Variants in RIMS1 observed in about 807,000 individuals in gnomAD.
The protein encoded by RIMS1 is regulating synaptic membrane exocytosis protein 1.
RIMS1 carries 83 observed loss-of-function variants against 214.1 expected under a neutral mutation model. That is an observed-to-expected ratio of 0.39 (90% CI 0.32 to 0.47). The LOEUF (loss-of-function observed/expected upper bound fraction) is 0.47, where lower values mean the gene tolerates loss of function less well. Ranked by LOEUF, RIMS1 falls within the 20% of genes least tolerant of loss-of-function variation. The probability of loss-of-function intolerance (pLI) is 0.99; values close to 1 mark genes in which losing one functional copy is unlikely to be tolerated. For missense variants in RIMS1, 2,050 were observed against 2,161.8 expected (o/e 0.95, Z 1.03); for synonymous variants, 793 against 786.8 (o/e 1.01, Z -0.13).
chr6:72,270,149 G>A (rs542376466), intron 22 of RIMS1, among the ~76,000 whole-genome samples: 3 of 152,148 alleles, frequency 2.0e-5, no homozygotes, highest in African/African-American at 7.2e-5. Context: ...CTAGCCTTAA[G>A]GGAAAGGAAG....
chr6:72,287,290 A>C (rs899434566), intron 24 of RIMS1, among the ~76,000 whole-genome samples: 2 of 152,198 alleles, frequency 1.3e-5, no homozygotes, highest in African/African-American at 4.8e-5. Flanking sequence ...TTTGACCTTA[A>C]ATACCACATA....
chr6:72,238,207 A>G (rs1187586893), intron 9 of RIMS1, among the ~76,000 whole-genome samples: 1 of 152,076 alleles, frequency 6.6e-6, no homozygotes, highest in Non-Finnish European at 1.5e-5. Flanking sequence ...TAGAAGAATT[A>G]CTCATCTTTG....
At chr6:72,259,942 A>G (rs2077274572) in intron 18 of RIMS1, among the ~76,000 whole-genome samples, 1 of 152,186 alleles carries the variant, frequency 6.6e-6, no homozygotes, top group Non-Finnish European at 1.5e-5. Flanking sequence ...GACACAAAGT[A>G]GAACTTCTTA....
At chr6:72,380,979 A>C (rs898461901) in intron 29 of RIMS1, among the ~76,000 whole-genome samples, 2 of 152,252 alleles carry the variant, frequency 1.3e-5, no homozygotes, top group African/African-American at 4.8e-5. Context: ...TAACATGATA[A>C]AATAATAAAA....
chr6:71,957,901 A>T (rs1475091882), intron 1 of RIMS1, among the ~76,000 whole-genome samples: 1 of 142,034 alleles, frequency 7.0e-6, no homozygotes, highest in Non-Finnish European at 1.5e-5. Flanking sequence ...TTTAATTAAA[A>T]ATTAATTTAA....
intron 2 of RIMS1, among the ~76,000 whole-genome samples, chr6:71,991,537 G>C (rs899482334): frequency 6.6e-6 from 1 of 152,108 alleles, no homozygotes; most frequent in Non-Finnish European, 1.5e-5. Context: ...CAAATCACTA[G>C]GTTAAATATT....
rs191702651 is a variant in RIMS1 at position 72,219,450 on chromosome 6, G to A, written c.1679-14323G>A. The stretch of plus-strand genomic sequence containing the variant: ...AAGTGTAACCAAAAATCTTGATTGC[G>A]TAGTTAATTTAAATAAGTTTTAGAG... On this transcript the variant is annotated intron_variant, in intron 6 of 33. Transcript: ENST00000521978. Among the ~76,000 whole-genome samples the A allele has an allele frequency of 9.9e-5, 15 of 152,146 alleles. No homozygotes were observed. The East Asian group carries it at 2.1e-3, about 21-fold the overall frequency.
chr6:71,992,430 C>CT (rs373977743), intron 2 of RIMS1, among the ~76,000 whole-genome samples: 2,126 of 137,560 alleles, frequency 0.015, 58 homozygotes, highest in African/African-American at 0.054. Context: ...TTCTTTCTTT[C>CT]TTTCTTTCTT....
At chr6:72,092,291 C>CCCTCCCTT (rs745668426) in intron 2 of RIMS1, among the ~76,000 whole-genome samples, 12 of 108,014 alleles carry the variant, frequency 1.1e-4, no homozygotes, top group African/African-American at 1.6e-4. Flanking sequence ...CTCCCTCCCT[C>CCCTCCCTT]CCTTCCTTCC....
At chr6:72,383,981 T>A (rs1006375148) in intron 29 of RIMS1, among the ~76,000 whole-genome samples, 2 of 152,188 alleles carry the variant, frequency 1.3e-5, no homozygotes, top group Non-Finnish European at 2.9e-5. Flanking sequence ...TGGACCTAAA[T>A]TGCTTAATCA....
chr6:72,323,384 CA>C (rs1445253314), intron 28 of RIMS1, among the ~76,000 whole-genome samples: 1 of 151,170 alleles, frequency 6.6e-6, no homozygotes, highest in Non-Finnish European at 1.5e-5. Flanking sequence ...TTAAAGAAAT[CA>C]AAGGAGGATG....
chr6:72,033,595 C>A (rs920610798), intron 2 of RIMS1, among the ~76,000 whole-genome samples: 1 of 152,078 alleles, frequency 6.6e-6, no homozygotes, highest in African/African-American at 2.4e-5. Context: ...GATTCTCCTG[C>A]CTCAGCCTCC....
intron 29 of RIMS1, among the ~76,000 whole-genome samples, chr6:72,358,894 C>T (rs1255166094): frequency 2.0e-5 from 3 of 152,174 alleles, no homozygotes; most frequent in South Asian, 2.1e-4. Flanking sequence ...TCAGATAATA[C>T]ACTGACTGCC....
rs1219973654 is a variant in RIMS1 at position 72,261,738 on chromosome 6, A to G, written c.3116+971A>G. ...TGTGTGTAATATGTAGTTCTGCCCA[A>G]TAATGCAAACAAAATTGGGCTAATA... On this transcript the variant is annotated intron_variant, in intron 19 of 33. Coordinates refer to ENST00000521978, the MANE Select transcript of RIMS1 (RefSeq NM_014989.7). The G allele has an allele frequency of 7.1e-6, 7 of 985,342 alleles. No individual in the cohort carries two copies. The Admixed American group carries it at 4.3e-4, about 61-fold the overall frequency. The allele number at this position is 985,342 out of a possible 1,614,324, so 61.0% of individuals were successfully genotyped here.
intron 4 of RIMS1, among the ~76,000 whole-genome samples, chr6:72,159,946 T>C (rs576202809): frequency 2.1e-5 from 3 of 139,908 alleles, no homozygotes; most frequent in African/African-American, 7.4e-5. Context: ...GGTAGCTTGA[T>C]GGGGATGGCA....
chr6:71,993,030 C>T (rs1802363951), intron 2 of RIMS1, among the ~76,000 whole-genome samples: 3 of 152,258 alleles, frequency 2.0e-5, no homozygotes, highest in East Asian at 3.9e-4. Flanking sequence ...TTTAAATGAG[C>T]AAGTGCACTT....
intron 4 of RIMS1, among the ~76,000 whole-genome samples, chr6:72,120,287 C>T (rs2037985795): frequency 6.6e-6 from 1 of 151,808 alleles, no homozygotes; most frequent in Admixed American, 6.6e-5. Context: ...AAAAGTGTTC[C>T]TATTTCTCCA....
chr6:72,286,688 G>A (rs72933514), intron 24 of RIMS1, among the ~76,000 whole-genome samples: 2,598 of 152,266 alleles, frequency 0.017, 32 homozygotes, highest in Non-Finnish European at 0.026. Context: ...GAGCTGTTAA[G>A]AAGATACCTT....
chr6:72,139,023 CA>C (rs1364615469), intron 4 of RIMS1, among the ~76,000 whole-genome samples: 70 of 152,116 alleles, frequency 4.6e-4, no homozygotes, highest in Admixed American at 7.2e-4. Context: ...CCTATAAACA[CA>C]AACATAAATG....
Sources: gnomAD v4.1 joint callset for allele counts (sites outside exome capture counted in the v4.1 genomes callset) on GRCh38, gnomAD v4.1.1 for gene constraint, MANE v1.5 for transcripts, NCBI Gene and HGNC (gene_info 2026-07-23, HGNC 2026-07-21) for gene names.